Variants in TBC1D19 observed in about 807,000 individuals in gnomAD.
TBC1D19 encodes TBC1 domain family, member 19.
In TBC1D19, 60 loss-of-function variants were observed where a neutral mutation model predicts 89.0. The ratio of observed to expected loss-of-function variants is 0.67; its 90% CI spans 0.55 to 0.84. TBC1D19 has a LOEUF of 0.84. Ranked by LOEUF, TBC1D19 falls within the 40% of genes least tolerant of loss-of-function variation. The pLI, the probability that TBC1D19 is intolerant of heterozygous loss-of-function variation, is 0.00. For synonymous variants in TBC1D19, 189 were observed against 199.7 expected, an observed-to-expected ratio of 0.95 and a Z score of 0.45; for missense variants, 500 against 610.8, an observed-to-expected ratio of 0.82 and a Z score of 1.91.
At chr4:26,694,032 G>C (rs1255818653) in intron 13 of TBC1D19, among the ~76,000 whole-genome samples, 2 of 152,094 alleles carry the variant, frequency 1.3e-5, no homozygotes, top group African/African-American at 2.4e-5. Flanking sequence ...CCTCACTGGG[G>C]CTCGTCGAAC....
chr4:26,577,573 TC>T (rs761083458), intron 1 of TBC1D19, among the ~76,000 whole-genome samples: 1 of 152,154 alleles, frequency 6.6e-6, no homozygotes, highest in Non-Finnish European at 1.5e-5. Context: ...CAGGTTGGGT[TC>T]CCCCAGAAGC....
At chr4:26,789,637 CA>C in the TBC1D19 span, among the ~76,000 whole-genome samples, 6 of 152,148 alleles carry the variant, frequency 3.9e-5, no homozygotes, top group Non-Finnish European at 8.8e-5. Flanking sequence ...TCATGGAAAA[CA>C]GTATGGAGAC....
chr4:26,606,727 CA>C (rs1473839275), intron 1 of TBC1D19, among the ~76,000 whole-genome samples: 1 of 152,148 alleles, frequency 6.6e-6, no homozygotes, highest in African/African-American at 2.4e-5. Flanking sequence ...TCTAACCCTA[CA>C]GTTCCATGGG....
In TBC1D19 at chr4:26,616,567, G is replaced by T. The variant is rs897290256; in HGVS notation, c.218+2114G>T. ...AAAGGAAAGTATGAATATTCATTAG[G>T]TAATATTAAACAATGGGAGATAAAA... is the stretch of plus-strand genomic sequence containing the variant. On this transcript the variant is annotated intron_variant, in intron 3 of 20. Transcript: ENST00000264866. Among the ~76,000 whole-genome samples the T allele has an allele frequency of 6.6e-5, 10 of 152,122 alleles. 1 individual carries two copies. The highest frequency in any genetic ancestry group is 1.5e-4 in the Non-Finnish European group (10 of 68,020).
Position 26,739,960 on chromosome 4 carries a change from C to G in TBC1D19, c.1214C>G (p.Ser405Cys). The change falls in exon 17 of 21, where the codon TCT becomes TGT. Residue 405 changes from serine (S) to cysteine (C), a missense_variant. Ser to Cys is a moderately radical substitution (Grantham distance 112). This residue lies in a region of TBC1D19 where 220 missense variants were observed against 319.1 expected (regional missense o/e 0.69). Transcript: ENST00000264866. ...VRFFFRLHSISSHPSGIVSLC... is the reference protein window; with the variant it reads ...VRFFFRLHSICSHPSGIVSLC... ...TTTTTCTTCAGACTCCATTCCATCT[C>G]TTCTCATCCTTCTGTAAGTTCATAA... 1.3e-6 allele frequency: 2 copies of G among 1,575,420 alleles called. No homozygotes were observed. The highest frequency in any genetic ancestry group is 1.2e-5 in the South Asian group (1 of 85,258).
At chr4:26,613,999 G>T (rs1438398773) in intron 2 of TBC1D19, among the ~76,000 whole-genome samples, 1 of 152,080 alleles carries the variant, frequency 6.6e-6, no homozygotes, top group Non-Finnish European at 1.5e-5. Context: ...CTTTGCTGAC[G>T]TGTGAATTAT....
chr4:26,832,228 T>A, the TBC1D19 span, among the ~76,000 whole-genome samples: 3 of 152,314 alleles, frequency 2.0e-5, no homozygotes, highest in East Asian at 5.8e-4. Context: ...TTTTGGCAAA[T>A]GAGTGCAGTA....
the TBC1D19 span, among the ~76,000 whole-genome samples, chr4:26,767,319 G>A: frequency 1.3e-5 from 2 of 152,132 alleles, no homozygotes; most frequent in Non-Finnish European, 2.9e-5. Context: ...CAGTTTCTCA[G>A]CATTGCATAT....
At chr4:26,813,151 T>G in the TBC1D19 span, among the ~76,000 whole-genome samples, 3 of 151,780 alleles carry the variant, frequency 2.0e-5, no homozygotes, top group African/African-American at 7.3e-5. Flanking sequence ...GCCCGGGAGG[T>G]TGAGGTTGCA....
chr4:26,750,773 A>G (rs1657210699), intron 19 of TBC1D19, among the ~76,000 whole-genome samples: 1 of 152,222 alleles, frequency 6.6e-6, no homozygotes, highest in African/African-American at 2.4e-5. Context: ...CTACCATGGA[A>G]TTCAGATAAA....
At chr4:26,609,739 G>T (rs1741243474) in intron 1 of TBC1D19, among the ~76,000 whole-genome samples, 1 of 152,112 alleles carries the variant, frequency 6.6e-6, no homozygotes, top group African/African-American at 2.4e-5. Context: ...TGCCACAGCT[G>T]GGAAAGACTT....
At chr4:26,809,163 G>A in the TBC1D19 span, among the ~76,000 whole-genome samples, 2 of 152,192 alleles carry the variant, frequency 1.3e-5, no homozygotes, top group African/African-American at 4.8e-5. Context: ...TAGGGTAGGT[G>A]AAAAGCTACT....
chr4:26,638,342 C>T (rs1743267549), intron 5 of TBC1D19, among the ~76,000 whole-genome samples: 1 of 148,894 alleles, frequency 6.7e-6, no homozygotes, highest in Non-Finnish European at 1.5e-5. Context: ...TAAAAACTGT[C>T]TAAATATGTA....
At chr4:26,720,207 C>A in intron 15 of TBC1D19, 82 bp downstream of exon 15, 1 of 986,124 alleles carries the variant, frequency 1.0e-6, no homozygotes, top group Non-Finnish European at 1.5e-6. Context: ...TTCTTATTCT[C>A]TTTAATGGAT....
At chr4:26,650,650 C>T (rs1744298665) in intron 7 of TBC1D19, among the ~76,000 whole-genome samples, 1 of 152,034 alleles carries the variant, frequency 6.6e-6, no homozygotes, top group Admixed American at 6.5e-5. Flanking sequence ...AAATTTTCTC[C>T]CATTCTGTAG....
chr4:26,838,499 G>A, the TBC1D19 span, among the ~76,000 whole-genome samples: 5 of 151,998 alleles, frequency 3.3e-5, no homozygotes, highest in East Asian at 9.6e-4. Flanking sequence ...TAAAAAAAAA[G>A]CATCGCTTGT....
At chr4:26,660,403 A>T (rs1560454791) in intron 8 of TBC1D19, among the ~76,000 whole-genome samples, 1 of 152,246 alleles carries the variant, frequency 6.6e-6, no homozygotes, top group Non-Finnish European at 1.5e-5. Flanking sequence ...ATGTCTCTAG[A>T]AGATAGAAAG....
intron 15 of TBC1D19, among the ~76,000 whole-genome samples, chr4:26,726,090 C>G (rs1426734773): frequency 2.7e-5 from 4 of 149,780 alleles, no homozygotes; most frequent in Non-Finnish European, 4.4e-5. Flanking sequence ...TTTCAGTACT[C>G]TAGAGCAGTA....
At chr4:26,815,286 C>G in the TBC1D19 span, among the ~76,000 whole-genome samples, 1 of 152,138 alleles carries the variant, frequency 6.6e-6, no homozygotes, top group African/African-American at 2.4e-5. Flanking sequence ...GAAGCTTGGC[C>G]CAAAATGCTG....
Sources: gnomAD v4.1 joint callset for allele counts (sites outside exome capture counted in the v4.1 genomes callset) on GRCh38, gnomAD v4.1.1 for gene constraint, gnomAD v4.1.1 regional missense constraint, MANE v1.5 for transcripts, NCBI Gene and HGNC (gene_info 2026-07-23, HGNC 2026-07-21) for gene names.